The following UBE2E2 variants were observed in gnomAD, a reference collection of about 807,000 sequenced individuals.
UBE2E2 encodes ubiquitin conjugating enzyme E2 E2.
A neutral mutation model predicts 24.7 loss-of-function variants in UBE2E2; 6 were observed. That is an observed-to-expected ratio of 0.24 (90% CI 0.13 to 0.48). The LOEUF is 0.48. Ranked by LOEUF, UBE2E2 falls within the 20% of genes least tolerant of loss-of-function variation. The pLI is 0.99. For synonymous variants in UBE2E2, 104 were observed against 83.6 expected, an observed-to-expected ratio of 1.24 and a Z score of -1.33; for missense variants, 169 against 245.0, an observed-to-expected ratio of 0.69 and a Z score of 2.07.
At chr3:23,450,503 TATC>T (rs1419919191) in intron 3 of UBE2E2, among the ~76,000 whole-genome samples, 3 of 152,202 alleles carry the variant, frequency 2.0e-5, no homozygotes, top group Non-Finnish European at 2.9e-5. Context: ...CCTCTTTCAT[TATC>T]ATCTCAGAAA....
At chr3:23,316,131 C>T (rs1575556153) in intron 3 of UBE2E2, among the ~76,000 whole-genome samples, 1 of 152,140 alleles carries the variant, frequency 6.6e-6, no homozygotes, top group South Asian at 2.1e-4. Flanking sequence ...TGACTGGCTA[C>T]TGCCTGTGTT....
At chr3:23,542,102 T>C (rs1252112315) in intron 5 of UBE2E2, among the ~76,000 whole-genome samples, 2 of 152,216 alleles carry the variant, frequency 1.3e-5, no homozygotes, top group Non-Finnish European at 2.9e-5. Flanking sequence ...TTACAATGCA[T>C]GAATAACCCC....
intron 3 of UBE2E2, among the ~76,000 whole-genome samples, chr3:23,395,799 G>A (rs558311228): frequency 2.6e-5 from 4 of 152,118 alleles, no homozygotes; most frequent in Non-Finnish European, 4.4e-5. Flanking sequence ...CACATGCTTC[G>A]TAGCATAAGC....
intron 3 of UBE2E2, among the ~76,000 whole-genome samples, chr3:23,396,321 A>ATATATATACGTATATATATATATGTGTG (rs1697074823): frequency 8.9e-6 from 1 of 112,418 alleles, no homozygotes; most frequent in East Asian, 2.6e-4. Context: ...ATATATATGT[A>ATATATATACGTATATATATATATGTGTG]TATATATACG....
At chr3:23,519,351 C>T (rs1414499747) in intron 4 of UBE2E2, among the ~76,000 whole-genome samples, 1 of 151,908 alleles carries the variant, frequency 6.6e-6, no homozygotes, top group Non-Finnish European at 1.5e-5. Context: ...TTAGTCATGC[C>T]TGTTATAAAA....
At chr3:23,389,006 AAAAAAAAAAAAAG>A (rs1402567101) in intron 3 of UBE2E2, among the ~76,000 whole-genome samples, 1 of 138,650 alleles carries the variant, frequency 7.2e-6, no homozygotes, top group Non-Finnish European at 1.5e-5. Flanking sequence ...CATTTCCAAA[AAAAAAAAAAAAAG>A]AAAAAGAAAA....
intron 3 of UBE2E2, among the ~76,000 whole-genome samples, chr3:23,221,406 C>T (rs992751125): frequency 6.6e-6 from 1 of 151,988 alleles, no homozygotes; most frequent in Non-Finnish European, 1.5e-5. Flanking sequence ...ATTTTGATAC[C>T]TCCCAAAAAA....
chr3:23,557,957 C>T (rs914369150), intron 5 of UBE2E2, among the ~76,000 whole-genome samples: 8 of 152,218 alleles, frequency 5.3e-5, no homozygotes, highest in South Asian at 2.1e-4. Flanking sequence ...GACATCAACA[C>T]ACTAGGTCAG....
chr3:23,234,751 G>C (rs529116913), intron 3 of UBE2E2, among the ~76,000 whole-genome samples: 1 of 152,178 alleles, frequency 6.6e-6, no homozygotes, highest in East Asian at 1.9e-4. Context: ...CTTGAATTAG[G>C]GTTGGATACA....
intron 3 of UBE2E2, among the ~76,000 whole-genome samples, chr3:23,314,721 G>A (rs1176371476): frequency 6.6e-6 from 1 of 152,140 alleles, no homozygotes; most frequent in Non-Finnish European, 1.5e-5. Context: ...AACCAGATAT[G>A]CTTTTCTGAG....
At chr3:23,349,423 G>A (rs968371789) in intron 3 of UBE2E2, among the ~76,000 whole-genome samples, 1 of 152,196 alleles carries the variant, frequency 6.6e-6, no homozygotes, top group African/African-American at 2.4e-5. Flanking sequence ...CCCGAAGCAG[G>A]GCAAGACATT....
intron 3 of UBE2E2, among the ~76,000 whole-genome samples, chr3:23,314,874 A>G (rs1313923298): frequency 6.6e-6 from 1 of 152,142 alleles, no homozygotes; most frequent in East Asian, 1.9e-4. Flanking sequence ...TCTTTTTAGT[A>G]TCCTTTATTC....
intron 3 of UBE2E2, among the ~76,000 whole-genome samples, chr3:23,368,309 A>G (rs1338835672): frequency 2.0e-5 from 3 of 152,194 alleles, no homozygotes; most frequent in African/African-American, 7.2e-5. Flanking sequence ...CTTCTACTCT[A>G]TGCCAGCTGC....
At chr3:23,354,616 A>C (rs974570330) in intron 3 of UBE2E2, among the ~76,000 whole-genome samples, 1 of 152,238 alleles carries the variant, frequency 6.6e-6, no homozygotes, top group Admixed American at 6.5e-5. Flanking sequence ...CAGCCAAAAA[A>C]CACGTGAAAA....
intron 3 of UBE2E2, among the ~76,000 whole-genome samples, chr3:23,357,757 T>C (rs1696000831): frequency 1.3e-5 from 2 of 152,166 alleles, no homozygotes; most frequent in Admixed American, 1.3e-4. Flanking sequence ...AGTATCTGAC[T>C]CCTTATTATT....
chr3:23,299,371 A>C (rs1699006650), intron 3 of UBE2E2, among the ~76,000 whole-genome samples: 1 of 151,790 alleles, frequency 6.6e-6, no homozygotes, highest in Admixed American at 6.6e-5. Flanking sequence ...TTTAGTTGTG[A>C]TGTTAGGGTG....
chr3:23,482,474 AC>A (rs1275460876), intron 3 of UBE2E2, among the ~76,000 whole-genome samples: 1 of 151,944 alleles, frequency 6.6e-6, no homozygotes, highest in African/African-American at 2.4e-5. Context: ...TCAATTAATT[AC>A]CTTCCATCAC....
intron 3 of UBE2E2, among the ~76,000 whole-genome samples, chr3:23,289,937 A>G (rs1698716985): frequency 6.6e-6 from 1 of 152,238 alleles, no homozygotes. Context: ...TTTTGCATAA[A>G]GAATTGATAG....
chr3:23,312,095 C>T (rs1177408941), intron 3 of UBE2E2, among the ~76,000 whole-genome samples: 1 of 151,456 alleles, frequency 6.6e-6, no homozygotes, highest in Non-Finnish European at 1.5e-5. Flanking sequence ...CCTCCCTCCT[C>T]TCTTTCTCCT....
Sources: gnomAD v4.1 joint callset for allele counts (sites outside exome capture counted in the v4.1 genomes callset) on GRCh38, gnomAD v4.1.1 for gene constraint, MANE v1.5 for transcripts, NCBI Gene and HGNC (gene_info 2026-07-23, HGNC 2026-07-21) for gene names.